The following PPFIA2 variants were observed in gnomAD, a reference collection of about 807,000 sequenced individuals.
PPFIA2 encodes the protein PPFI scaffold protein A2.
A neutral mutation model predicts 175.5 loss-of-function variants in PPFIA2; 46 were observed. The observed-to-expected ratio is 0.26, with a 90% confidence interval of 0.21 to 0.34. The LOEUF (loss-of-function observed/expected upper bound fraction) is 0.34, where lower values mean the gene tolerates loss of function less well. Ranked by LOEUF, PPFIA2 falls within the 10% of genes least tolerant of loss-of-function variation. PPFIA2 has a pLI of 1.00. For missense variants in PPFIA2, 1,179 were observed against 1,506.1 expected (o/e 0.78, Z 3.60); for synonymous variants, 568 against 511.4 (o/e 1.11, Z -1.49).
intron 4 of PPFIA2, among the ~76,000 whole-genome samples, chr12:81,564,937 C>T (rs540071875): frequency 3.8e-4 from 58 of 152,208 alleles, no homozygotes; most frequent in African/African-American, 1.3e-3. Context: ...GGCTGACCTG[C>T]AAGGAAAGGT....
intron 4 of PPFIA2, among the ~76,000 whole-genome samples, chr12:81,538,697 G>C (rs1434509466): frequency 6.6e-6 from 1 of 151,990 alleles, no homozygotes; most frequent in South Asian, 2.1e-4. Context: ...GTAATGTACT[G>C]TCTGTTTTGT....
At chr12:81,585,281 G>A (rs1320902280) in intron 4 of PPFIA2, among the ~76,000 whole-genome samples, 2 of 149,702 alleles carry the variant, frequency 1.3e-5, no homozygotes, top group Admixed American at 1.4e-4. Context: ...TGTACACTTG[G>A]GCTACACTAA....
chr12:81,368,292 G>T, intron 13 of PPFIA2: 1 of 554,498 alleles, frequency 1.8e-6, no homozygotes, highest in South Asian at 1.7e-5. Flanking sequence ...TAGTTCTTTT[G>T]ATGATATAAA....
chr12:81,281,139 G>A (rs933676914), intron 27 of PPFIA2, 118 bp downstream of exon 27: 5 of 800,310 alleles, frequency 6.2e-6, no homozygotes, highest in Non-Finnish European at 9.3e-6. Flanking sequence ...TACAAACGAT[G>A]TTTCAAATGA....
At chr12:81,520,028 A>C (rs1009567026) in intron 4 of PPFIA2, among the ~76,000 whole-genome samples, 1 of 152,212 alleles carries the variant, frequency 6.6e-6, no homozygotes, top group Non-Finnish European at 1.5e-5. Context: ...ATCTTACTGC[A>C]CTGTTTTCAC....
At chr12:81,564,108 A>C (rs1314282787) in intron 4 of PPFIA2, among the ~76,000 whole-genome samples, 3 of 152,218 alleles carry the variant, frequency 2.0e-5, no homozygotes, top group Non-Finnish European at 2.9e-5. Flanking sequence ...CATTTTGCAA[A>C]ATAGACATAA....
intron 4 of PPFIA2, among the ~76,000 whole-genome samples, chr12:81,502,125 G>A (rs1010671387): frequency 6.6e-6 from 1 of 152,088 alleles, no homozygotes; most frequent in Admixed American, 6.6e-5. Context: ...ATTATGAGAA[G>A]ATCATACTGC....
At chr12:81,525,851 T>A (rs1428480629) in intron 4 of PPFIA2, among the ~76,000 whole-genome samples, 2 of 152,216 alleles carry the variant, frequency 1.3e-5, no homozygotes, top group Non-Finnish European at 2.9e-5. Context: ...AAGAACCATA[T>A]CTCATTTATA....
At chr12:81,639,055 G>A (rs1187513130) in intron 4 of PPFIA2, among the ~76,000 whole-genome samples, 3 of 152,032 alleles carry the variant, frequency 2.0e-5, no homozygotes, top group Admixed American at 6.5e-5. Context: ...TTCTTCTCTA[G>A]TGTCCTGTCA....
intron 4 of PPFIA2, among the ~76,000 whole-genome samples, chr12:81,607,042 T>C (rs1042421931): frequency 6.6e-6 from 1 of 152,134 alleles, no homozygotes; most frequent in Non-Finnish European, 1.5e-5. Flanking sequence ...GCTAGCCCGT[T>C]ATCCCAGCAC....
chr12:81,440,889 T>C (rs1430016123), intron 6 of PPFIA2, among the ~76,000 whole-genome samples: 1 of 150,780 alleles, frequency 6.6e-6, no homozygotes, highest in African/African-American at 2.4e-5. Flanking sequence ...TATAGCAGTT[T>C]AATTTTCCTT....
At chr12:81,406,860 A>G (rs1198661776) in intron 7 of PPFIA2, among the ~76,000 whole-genome samples, 1 of 152,190 alleles carries the variant, frequency 6.6e-6, no homozygotes, top group African/African-American at 2.4e-5. Context: ...GGAAATTACA[A>G]GACCAACATG....
intron 27 of PPFIA2, among the ~76,000 whole-genome samples, chr12:81,280,572 A>T (rs981628956): frequency 6.6e-6 from 1 of 152,084 alleles, no homozygotes; most frequent in African/African-American, 2.4e-5. Context: ...ACTTTATGTG[A>T]AAAAAACAAC....
intron 5 of PPFIA2, among the ~76,000 whole-genome samples, chr12:81,454,974 G>A (rs1431809629): frequency 1.3e-5 from 2 of 152,014 alleles, no homozygotes; most frequent in African/African-American, 4.8e-5. Flanking sequence ...TCAGCATCAC[G>A]AGCAGCTGAG....
intron 4 of PPFIA2, among the ~76,000 whole-genome samples, chr12:81,482,287 T>A (rs2058326966): frequency 6.6e-6 from 1 of 152,164 alleles, no homozygotes; most frequent in Admixed American, 6.5e-5. Context: ...TACACTGTTG[T>A]TGGGATTGTA....
At chr12:81,267,316 A>G in intron 29 of PPFIA2, 1 of 433,778 alleles carries the variant, frequency 2.3e-6, no homozygotes, top group Non-Finnish European at 4.3e-6. Flanking sequence ...TAATCTCTGA[A>G]ATATGTAAAA....
In PPFIA2 at chr12:81,293,839, T is replaced by C. The variant is rs571997248; in HGVS notation, c.2925+996A>G. 1.5e-3 allele frequency among the ~76,000 whole-genome samples: 232 copies of C among 152,260 alleles called. 3 individuals are homozygous for C. Among genetic ancestry groups the C allele is most frequent in the African/African-American group, 5.5e-3 (229 of 41,570 alleles). ...TGTTATATCAAAATAATTCCTGCAC[T>C]CATGTCTTTATCACAACATTAATCA... is the stretch of plus-strand genomic sequence containing the variant. On this transcript the variant is annotated intron_variant, in intron 24 of 32. Transcript: ENST00000549396.
At chr12:81,327,110 A>G (rs2054952083) in intron 21 of PPFIA2, among the ~76,000 whole-genome samples, 1 of 152,138 alleles carries the variant, frequency 6.6e-6, no homozygotes, top group African/African-American at 2.4e-5. Flanking sequence ...GGATAATATT[A>G]ACTTGGGAAC....
rs368733036 is a variant in PPFIA2, at chr12:81,500,207, C to A, written c.304-42341G>T. ...TGCCCTTTGGTAGTTATAAGACACA[C>A]AAAAAAACTGAGGCAGGTATTAGAG... On this transcript the variant is annotated intron_variant, in intron 4 of 32. Transcript: ENST00000549396. Among the ~76,000 whole-genome samples, 34 of 152,092 alleles carry A rather than the reference C, an allele frequency of 2.2e-4. No individual in the cohort carries two copies. In the East Asian group the frequency reaches 2.9e-3, roughly 13 times the overall value.
Sources: gnomAD v4.1 joint callset for allele counts (sites outside exome capture counted in the v4.1 genomes callset) on GRCh38, gnomAD v4.1.1 for gene constraint, MANE v1.5 for transcripts, NCBI Gene and HGNC (gene_info 2026-07-23, HGNC 2026-07-21) for gene names.